The following CHST9 variants were observed in gnomAD, a reference collection of about 807,000 sequenced individuals.
CHST9 encodes carbohydrate sulfotransferase 9, also known as GalNAc-4-sulfotransferase 2.
Under a neutral mutation model 44.4 loss-of-function variants are expected in CHST9, and 41 were observed. The ratio of observed to expected loss-of-function variants is 0.92; its 90% CI spans 0.72 to 1.20. CHST9 has a LOEUF of 1.20. Among genes scored for constraint, CHST9 ranks in the 50% most tolerant of loss-of-function variants. CHST9 has a pLI of 0.00. For synonymous variants in CHST9, 171 were observed against 178.4 expected (o/e 0.96, Z 0.33); for missense variants, 504 against 516.5 (o/e 0.98, Z 0.23).
At chr18:27,109,430 G>A (rs138607024) in intron 2 of CHST9, among the ~76,000 whole-genome samples, 151 of 152,234 alleles carry the variant, frequency 9.9e-4, no homozygotes, top group Admixed American at 1.7e-3. Context: ...GCTCATTTTC[G>A]CTTTGGATTT....
At chr18:27,125,367 T>C (rs2058411485) in intron 2 of CHST9, among the ~76,000 whole-genome samples, 1 of 152,222 alleles carries the variant, frequency 6.6e-6, no homozygotes, top group Non-Finnish European at 1.5e-5. Context: ...TTTGCCCATA[T>C]GGTACGTAAT....
At chr18:26,917,731 G>A (rs542150192) in intron 5 of CHST9, among the ~76,000 whole-genome samples, 23 of 152,236 alleles carry the variant, frequency 1.5e-4, no homozygotes, top group African/African-American at 5.5e-4. Context: ...GATGTTTTGA[G>A]ATTGAAACTT....
At position 26,913,912 on chromosome 18, in the gene CHST9, A is replaced by G. The variant is rs1210846909; in HGVS notation, c.*2347T>C. 1 of 152,206 alleles carries G rather than the reference A, an allele frequency of 6.6e-6. No homozygotes were observed. The highest frequency in any genetic ancestry group is 1.5e-5 in the Non-Finnish European group (1 of 68,034). The allele number at this position is 152,206 out of a possible 1,614,324, so 9.4% of individuals were successfully genotyped here. A position where few individuals can be genotyped will look rare whatever the true frequency, so the allele number is the denominator to read the frequency against. On this transcript the variant is annotated 3_prime_UTR_variant, in exon 6 of 6. Transcript: ENST00000618847. The stretch of plus-strand genomic sequence containing the variant: ...CTAACATGAAAATAAGCCATCTAAA[A>G]TGAAGAGCAGGTACATAAAAAGTTT...
Position 26,918,504 on chromosome 18 carries a change from CAT to C in CHST9, c.241-1156_241-1155del, listed in dbSNP as rs35106517. Among the ~76,000 whole-genome samples the C allele has an allele frequency of 7.9e-3, 1,180 of 149,436 alleles. 15 individuals are homozygous for C. Among genetic ancestry groups the C allele is most frequent in the African/African-American group, 0.028 (1,142 of 40,796 alleles). On this transcript the variant is annotated intron_variant, in intron 5 of 5. Coordinates refer to ENST00000618847, the MANE Select transcript of CHST9 (RefSeq NM_031422.6). ...TATATATACATGATACACATGATTG[CAT>C]ATATATATATATAGTACATATATAT... is the stretch of plus-strand genomic sequence containing the variant.
intron 2 of CHST9, among the ~76,000 whole-genome samples, chr18:27,071,024 C>T (rs2057833711): frequency 6.6e-6 from 1 of 152,164 alleles, no homozygotes. Flanking sequence ...CCTTTCATGG[C>T]TCCACCTCCC....
At chr18:27,087,814 G>T (rs1176809528) in intron 2 of CHST9, among the ~76,000 whole-genome samples, 1 of 152,164 alleles carries the variant, frequency 6.6e-6, no homozygotes, top group Non-Finnish European at 1.5e-5. Flanking sequence ...AATGGCCTTT[G>T]TGAAAAGGGC....
chr18:27,172,649 C>G lies in CHST9; in HGVS notation c.-97+12487G>C, dbSNP rs2058842025. ...CTGTAATTTTCCTAATAAGGAGATT[C>G]CATCATAGTGAATTTTAACCTCAAG... On this transcript the variant is annotated intron_variant, in intron 1 of 5. Transcript: ENST00000618847. Among the ~76,000 whole-genome samples, 6 of 152,012 alleles carry G rather than the reference C, an allele frequency of 3.9e-5. 1 individual carries two copies. The South Asian group carries it at 1.0e-3, about 26-fold the overall frequency.
chr18:27,081,564 T>C (rs1598707672), intron 2 of CHST9, among the ~76,000 whole-genome samples: 1 of 152,326 alleles, frequency 6.6e-6, no homozygotes, highest in South Asian at 2.1e-4. Flanking sequence ...GATATATTTC[T>C]TGAGGGTGGA....
At position 26,913,311 on chromosome 18, in the gene CHST9, A is replaced by G. The variant is rs2055467385; in HGVS notation, c.*2948T>C. 1 of 152,238 alleles carries G rather than the reference A, an allele frequency of 6.6e-6. No individual in the cohort carries two copies. Among genetic ancestry groups the G allele is most frequent in the Non-Finnish European group, 1.5e-5 (1 of 68,042 alleles). The allele number at this position is 152,238 out of a possible 1,614,324, so 9.4% of individuals were successfully genotyped here. ...ATTATTTTCTGTTACAGAATGTTTTATAGACATCTAGCAAGTGGCATCACA... is the reference window on the plus strand; with the variant it reads ...ATTATTTTCTGTTACAGAATGTTTTGTAGACATCTAGCAAGTGGCATCACA... On this transcript the variant is annotated 3_prime_UTR_variant, in exon 6 of 6. Coordinates refer to ENST00000618847, the MANE Select transcript of CHST9 (RefSeq NM_031422.6).
rs540694602 is a variant in CHST9 at position 26,973,589 on chromosome 18, T to C, written c.203-29223A>G. On this transcript the variant is annotated intron_variant, in intron 4 of 5. Transcript: ENST00000618847. The stretch of plus-strand genomic sequence containing the variant: ...CTTAAAACATGACATTATGTTTTTT[T>C]GCAATTTTTAAAAGCGTATCTGCTA... 2.0e-5 allele frequency among the ~76,000 whole-genome samples: 3 copies of C among 152,374 alleles called. No homozygotes were observed. The East Asian group carries it at 5.8e-4, about 29-fold the overall frequency.
chr18:26,952,508 T>G (rs2056263744), intron 4 of CHST9: 1 of 462,670 alleles, frequency 2.2e-6, no homozygotes, highest in East Asian at 5.6e-5. Flanking sequence ...GGAGGACCAG[T>G]CCATCCAGCA....
chr18:27,178,567 C>A (rs1038706695), intron 1 of CHST9, among the ~76,000 whole-genome samples: 3 of 151,966 alleles, frequency 2.0e-5, no homozygotes, highest in African/African-American at 7.2e-5. Flanking sequence ...TCAATTTCCT[C>A]CTTGCTTCTG....
intron 4 of CHST9, among the ~76,000 whole-genome samples, chr18:27,014,205 A>G (rs1169172500): frequency 6.6e-6 from 1 of 152,136 alleles, no homozygotes; most frequent in Non-Finnish European, 1.5e-5. Flanking sequence ...ACACAAAACT[A>G]ATTTAAAAGT....
At chr18:26,934,609 G>A (rs1332994297) in intron 5 of CHST9, 2 of 152,228 alleles carry the variant, frequency 1.3e-5, no homozygotes, top group Admixed American at 6.5e-5. Flanking sequence ...GTGGAAGCAG[G>A]AGGAAACCCG....
At chr18:27,128,168 G>A (rs1482246229) in intron 2 of CHST9, among the ~76,000 whole-genome samples, 1 of 152,170 alleles carries the variant, frequency 6.6e-6, no homozygotes, top group Non-Finnish European at 1.5e-5. Context: ...TGATCTTGGG[G>A]ATGAAACCAT....
chr18:26,963,258 A>G (rs2056423153), intron 4 of CHST9, among the ~76,000 whole-genome samples: 1 of 152,100 alleles, frequency 6.6e-6, no homozygotes, highest in Non-Finnish European at 1.5e-5. Flanking sequence ...CCAAAACTTG[A>G]CATGAAGGAC....
chr18:26,911,988 T>G lies in CHST9; in HGVS notation c.*4271A>C, dbSNP rs1004229764. On this transcript the variant is annotated 3_prime_UTR_variant, in exon 6 of 6. Coordinates refer to ENST00000618847, the MANE Select transcript of CHST9 (RefSeq NM_031422.6). ...AGGAGACTCAGGAAGAAGGGGATAA[T>G]GCACAGTTGCTCTGTTTCTAGCAGG... 6.6e-6 allele frequency: 1 copy of G among 152,208 alleles called. No individual in the cohort carries two copies. Among genetic ancestry groups the G allele is most frequent in the Non-Finnish European group, 1.5e-5 (1 of 68,070 alleles). 9.4% of individuals were successfully genotyped at this position (152,208 alleles called of 1,614,324 possible).
chr18:27,101,638 A>T (rs566358763), intron 2 of CHST9, among the ~76,000 whole-genome samples: 105 of 131,358 alleles, frequency 8.0e-4, no homozygotes, highest in South Asian at 3.4e-3. Flanking sequence ...AATAAAAAAT[A>T]AAAAAATTAA....
intron 2 of CHST9, among the ~76,000 whole-genome samples, chr18:27,105,333 T>C (rs1200734325): frequency 6.6e-6 from 1 of 152,180 alleles, no homozygotes; most frequent in African/African-American, 2.4e-5. Flanking sequence ...AAAATCTCTC[T>C]TTGATCAATT....
Sources: gnomAD v4.1 joint callset for allele counts (sites outside exome capture counted in the v4.1 genomes callset) on GRCh38, gnomAD v4.1.1 for gene constraint, MANE v1.5 for transcripts, NCBI Gene and HGNC (gene_info 2026-07-23, HGNC 2026-07-21) for gene names.